The following WNT3 variants were observed in gnomAD, a reference collection of about 807,000 sequenced individuals.
WNT3 encodes proto-oncogene Wnt-3.
Under a neutral mutation model 34.2 loss-of-function variants are expected in WNT3, and 7 were observed. That is an observed-to-expected ratio of 0.20 (90% confidence interval 0.12 to 0.38). The LOEUF (loss-of-function observed/expected upper bound fraction) is 0.38, where lower values mean the gene tolerates loss of function less well. Among genes scored for constraint, WNT3 ranks in the 10% least tolerant of loss-of-function variants. The probability of loss-of-function intolerance (pLI) is 1.00; values close to 1 mark genes in which losing one functional copy is unlikely to be tolerated. For missense variants in WNT3, 267 were observed against 499.8 expected, an observed-to-expected ratio of 0.53 and a Z score of 4.44; for synonymous variants, 212 against 211.5, an observed-to-expected ratio of 1.00 and a Z score of -0.02.
chr17:46,777,554 C>A (rs909121582), intron 1 of WNT3, among the ~76,000 whole-genome samples: 18 of 152,392 alleles, frequency 1.2e-4, no homozygotes, highest in Non-Finnish European at 2.1e-4. Flanking sequence ...GCTGTGCAGA[C>A]GCAGTCTCTC....
At chr17:46,803,545 A>T (rs1162253687) in intron 1 of WNT3, among the ~76,000 whole-genome samples, 4 of 152,156 alleles carry the variant, frequency 2.6e-5, no homozygotes, top group African/African-American at 9.7e-5. Flanking sequence ...GAAAAAAAAA[A>T]GTTAAACAAT....
rs1228960023 is a variant in WNT3 at position 46,772,018 on chromosome 17, C to G, written c.322+1650G>C. On this transcript the variant is annotated intron_variant, in intron 2 of 4. Transcript: ENST00000225512. ...GACGCGCGCCCCGGGCTGCCCGACCCGCTGCGCCCCGGGTCTCAAAGCGCG... is the reference window on the plus strand; with the variant it reads ...GACGCGCGCCCCGGGCTGCCCGACCGGCTGCGCCCCGGGTCTCAAAGCGCG... Among the ~76,000 whole-genome samples the G allele has an allele frequency of 4.0e-5, 6 of 151,558 alleles. No individual in the cohort carries two copies. The East Asian group carries it at 1.2e-3, about 30-fold the overall frequency.
chr17:46,799,629 G>C (rs1305793006), intron 1 of WNT3, among the ~76,000 whole-genome samples: 1 of 151,824 alleles, frequency 6.6e-6, no homozygotes, highest in Admixed American at 6.6e-5. Context: ...TGTATTTTTA[G>C]TAGAGACAGA....
At chr17:46,797,499 G>A (rs2084070029) in intron 1 of WNT3, among the ~76,000 whole-genome samples, 1 of 152,220 alleles carries the variant, frequency 6.6e-6, no homozygotes, top group Non-Finnish European at 1.5e-5. Flanking sequence ...GGCTTGCCTC[G>A]GGCGGGAAGA....
At chr17:46,810,060 G>C (rs2084252972) in intron 1 of WNT3, among the ~76,000 whole-genome samples, 1 of 149,174 alleles carries the variant, frequency 6.7e-6, no homozygotes, top group Non-Finnish European at 1.5e-5. Flanking sequence ...AGGCTGGAAG[G>C]CAGTGGTGCA....
At chr17:46,793,921 C>G (rs2084019329) in intron 1 of WNT3, among the ~76,000 whole-genome samples, 4 of 152,184 alleles carry the variant, frequency 2.6e-5, no homozygotes, top group Admixed American at 2.6e-4. Flanking sequence ...GCCACTCTGT[C>G]CAGACCCCAC....
intron 3 of WNT3, among the ~76,000 whole-genome samples, chr17:46,769,172 C>T (rs2059340546): frequency 1.3e-5 from 2 of 152,042 alleles, no homozygotes; most frequent in African/African-American, 4.8e-5. Flanking sequence ...CAAAAATTAG[C>T]TGGTGTGGTG....
At chr17:46,771,244 G>A (rs2059365907) in intron 2 of WNT3, among the ~76,000 whole-genome samples, 2 of 152,054 alleles carry the variant, frequency 1.3e-5, no homozygotes, top group Non-Finnish European at 2.9e-5. Flanking sequence ...GCGCTGCCAG[G>A]GCCGACCGAG....
intron 4 of WNT3, among the ~76,000 whole-genome samples, chr17:46,766,766 G>C (rs943423477): frequency 3.3e-5 from 5 of 152,124 alleles, no homozygotes; most frequent in African/African-American, 1.2e-4. Context: ...TGTGCCAGTA[G>C]CTCAGAGGTG....
chr17:46,804,484 A>T (rs1326243855), intron 1 of WNT3, among the ~76,000 whole-genome samples: 1 of 152,042 alleles, frequency 6.6e-6, no homozygotes, highest in Non-Finnish European at 1.5e-5. Context: ...TGGGGAAGGG[A>T]AGTGCTGTAA....
At chr17:46,787,969 A>G (rs1036196354) in intron 1 of WNT3, among the ~76,000 whole-genome samples, 1 of 151,770 alleles carries the variant, frequency 6.6e-6, no homozygotes, top group Non-Finnish European at 1.5e-5. Flanking sequence ...AAAAAAAAAA[A>G]AAAAAAGATG....
intron 1 of WNT3, among the ~76,000 whole-genome samples, chr17:46,790,847 G>A (rs534655716): frequency 8.5e-5 from 13 of 152,312 alleles, no homozygotes; most frequent in Non-Finnish European, 1.5e-4. Flanking sequence ...TTTTATGTGC[G>A]TTCCAAAACA....
intron 1 of WNT3, among the ~76,000 whole-genome samples, chr17:46,816,365 C>G (rs2084346851): frequency 6.6e-6 from 1 of 152,152 alleles, no homozygotes; most frequent in South Asian, 2.1e-4. Flanking sequence ...CCAACACGCC[C>G]ACACGATTTC....
chr17:46,810,004 CTTT>C (rs11292601), intron 1 of WNT3, among the ~76,000 whole-genome samples: 6 of 126,382 alleles, frequency 4.7e-5, no homozygotes, highest in Non-Finnish European at 6.6e-5. Flanking sequence ...TTCTTTCTTT[CTTT>C]TTTTTTTTTT....
At chr17:46,781,926 C>T (rs1159779801) in intron 1 of WNT3, among the ~76,000 whole-genome samples, 1 of 152,166 alleles carries the variant, frequency 6.6e-6, no homozygotes, top group East Asian at 1.9e-4. Context: ...GGAGGAGAAC[C>T]CAGGGCTCAC....
intron 1 of WNT3, among the ~76,000 whole-genome samples, chr17:46,818,055 G>A (rs2084375971): frequency 6.6e-6 from 1 of 152,022 alleles, no homozygotes; most frequent in East Asian, 1.9e-4. Context: ...GGTTATTATG[G>A]GGAATCTCTT....
intron 2 of WNT3, among the ~76,000 whole-genome samples, chr17:46,771,136 C>T (rs1487929417): frequency 6.6e-6 from 1 of 152,216 alleles, no homozygotes; most frequent in Non-Finnish European, 1.5e-5. Flanking sequence ...TCTCCGCGGC[C>T]CCCACGCCCT....
rs114468206 is a variant in WNT3 at position 46,785,072 on chromosome 17, C to T, written c.81-11163G>A. On this transcript the variant is annotated intron_variant, in intron 1 of 4. Coordinates refer to ENST00000225512, the MANE Select transcript of WNT3 (RefSeq NM_030753.5). Reference sequence around the variant, plus strand: ...GATTACAGGCGTGAGCCACCGTGCCCGGCCTCCCCTTTTTGCTTTTCTTAT... The same window carrying T: ...GATTACAGGCGTGAGCCACCGTGCCTGGCCTCCCCTTTTTGCTTTTCTTAT... Among the ~76,000 whole-genome samples the T allele has an allele frequency of 1.7e-3, 261 of 152,246 alleles. 1 individual carries two copies. Among genetic ancestry groups the T allele is most frequent in the African/African-American group, 5.3e-3 (221 of 41,550 alleles).
chr17:46,804,285 A>G (rs1301320802), intron 1 of WNT3, among the ~76,000 whole-genome samples: 1 of 151,970 alleles, frequency 6.6e-6, no homozygotes, highest in Non-Finnish European at 1.5e-5. Context: ...ACGGGGTTTC[A>G]GCATGTTGGC....
Sources: gnomAD v4.1 joint callset for allele counts (sites outside exome capture counted in the v4.1 genomes callset) on GRCh38, gnomAD v4.1.1 for gene constraint, MANE v1.5 for transcripts, NCBI Gene and HGNC (gene_info 2026-07-23, HGNC 2026-07-21) for gene names.